Variants in ANKRD11 observed in about 807,000 individuals in gnomAD.
ANKRD11 encodes ankyrin repeat domain 11.
In ANKRD11, 17 loss-of-function variants were observed where a neutral mutation model predicts 195.7. That is an observed-to-expected ratio of 0.09 (90% CI 0.06 to 0.13). The LOEUF (loss-of-function observed/expected upper bound fraction) is 0.13. Ranked by LOEUF, ANKRD11 falls within the 10% of genes least tolerant of loss-of-function variation. ANKRD11 has a pLI of 1.00. For synonymous variants in ANKRD11, 1,953 were observed against 1,528.1 expected (o/e 1.28, Z -6.49); for missense variants, 3,735 against 3,566.1 (o/e 1.05, Z -1.21).
intron 4 of ANKRD11, among the ~76,000 whole-genome samples, chr16:89,304,087 TGG>T (rs2036012143): frequency 6.6e-6 from 1 of 152,186 alleles, no homozygotes; most frequent in African/African-American, 2.4e-5. Flanking sequence ...GTAGAGAAGC[TGG>T]ATGACCAGGA....
At chr16:89,372,262 C>T (rs979903923) in intron 2 of ANKRD11, among the ~76,000 whole-genome samples, 4 of 152,236 alleles carry the variant, frequency 2.6e-5, no homozygotes, top group Admixed American at 1.3e-4. Context: ...GCAGCCCGAG[C>T]CTCTCACTGA....
chr16:89,287,201 TCTAAGGCCAGCAGCGCAGGTGCGGC>T, intron 7 of ANKRD11: 1 of 920,122 alleles, frequency 1.1e-6, no homozygotes, highest in Middle Eastern at 3.2e-4. Context: ...TCGGCCCTCC[TCTAAGGCCAGCAGCGCAGGTGCGGC>T]CCTCCTCGGG....
chr16:89,450,107 CT>C (rs1461097949), intron 1 of ANKRD11, among the ~76,000 whole-genome samples: 1 of 152,234 alleles, frequency 6.6e-6, no homozygotes, highest in African/African-American at 2.4e-5. Flanking sequence ...GTGTCACACT[CT>C]GCTCCAGCTG....
chr16:89,402,639 G>T (rs374312334), intron 2 of ANKRD11, among the ~76,000 whole-genome samples: 1 of 150,936 alleles, frequency 6.6e-6, no homozygotes, highest in South Asian at 2.1e-4. Context: ...CTGTGGGTGG[G>T]GGGGGCAGCA....
rs781699666 is a variant in ANKRD11, at chr16:89,282,122, C to T, written c.4420G>A (p.Glu1474Lys). 6.2e-7 allele frequency: 1 copy of T among 1,613,994 alleles called. No homozygotes were observed. Among genetic ancestry groups the T allele is most frequent in the African/African-American group, 1.3e-5 (1 of 74,914 alleles). The change falls in exon 9 of 13, where the codon GAG becomes AAG. Residue 1474 changes from glutamate (E) to lysine (K), a missense_variant. Transcript: ENST00000301030. ...TCCGCATGCCTGTCCCGGTGCCTCT[C>T]CTTCTCGTCTCTCCATTTCTCCCTG... The part of the protein sequence containing the change: ...KHREKWRDEK[E>K]RHRDRHADGL...
At chr16:89,487,184 G>A (rs963088827) in intron 1 of ANKRD11, among the ~76,000 whole-genome samples, 1 of 152,136 alleles carries the variant, frequency 6.6e-6, no homozygotes, top group Non-Finnish European at 1.5e-5. Context: ...ACAAACTGAC[G>A]CAGCCACCAG....
At chr16:89,372,645 A>G (rs117015331) in intron 2 of ANKRD11, among the ~76,000 whole-genome samples, 1,813 of 152,270 alleles carry the variant, frequency 0.012, 12 homozygotes, top group Non-Finnish European at 0.019. Context: ...GAAAGAAAAA[A>G]ATTTTTTTGA....
chr16:89,269,451 T>C (rs986647477), intron 12 of ANKRD11, among the ~76,000 whole-genome samples: 8 of 152,180 alleles, frequency 5.3e-5, no homozygotes. Context: ...TCCTCCTCAA[T>C]GGGCCTCATA....
At chr16:89,349,429 G>A (rs1597739053) in intron 2 of ANKRD11, among the ~76,000 whole-genome samples, 1 of 151,212 alleles carries the variant, frequency 6.6e-6, no homozygotes, top group Non-Finnish European at 1.5e-5. Flanking sequence ...ACAGTGAGCT[G>A]AGATCGCGCC....
chr16:89,393,522 A>G (rs1366899707), intron 2 of ANKRD11, among the ~76,000 whole-genome samples: 7 of 147,338 alleles, frequency 4.8e-5, no homozygotes, highest in African/African-American at 1.8e-4. Context: ...TTTTTAATAA[A>G]TAGAGACGGG....
intron 2 of ANKRD11, among the ~76,000 whole-genome samples, chr16:89,417,726 C>G (rs2911257): frequency 0.57 from 86,998 of 151,756 alleles, 25,107 homozygotes; most frequent in Middle Eastern, 0.72. Flanking sequence ...AACAAGAGCA[C>G]AACAGCTCCC....
intron 2 of ANKRD11, among the ~76,000 whole-genome samples, chr16:89,383,570 C>T (rs1001536951): frequency 2.0e-5 from 3 of 152,248 alleles, no homozygotes; most frequent in South Asian, 2.1e-4. Flanking sequence ...GAACAAAGCA[C>T]GGCCAGGAAT....
intron 1 of ANKRD11, among the ~76,000 whole-genome samples, chr16:89,470,214 G>A (rs1165915729): frequency 6.6e-6 from 1 of 151,956 alleles, no homozygotes; most frequent in African/African-American, 2.4e-5. Flanking sequence ...AATGTCACCG[G>A]CCTATAATCC....
chr16:89,316,201 A>G (rs577027395), intron 3 of ANKRD11, among the ~76,000 whole-genome samples: 21 of 137,552 alleles, frequency 1.5e-4, no homozygotes, highest in African/African-American at 4.5e-4. Flanking sequence ...TGCCTGCTGC[A>G]GAGACAGGAA....
intron 2 of ANKRD11, among the ~76,000 whole-genome samples, chr16:89,328,270 T>G (rs1196205703): frequency 6.6e-6 from 1 of 152,212 alleles, no homozygotes; most frequent in Non-Finnish European, 1.5e-5. Context: ...GTGTTGCTGC[T>G]CTGGAGAACA....
intron 2 of ANKRD11, among the ~76,000 whole-genome samples, chr16:89,328,599 C>A (rs1220221500): frequency 6.7e-6 from 1 of 150,092 alleles, no homozygotes; most frequent in East Asian, 2.0e-4. Context: ...ACGGGTGAAT[C>A]TGCAGAGGCC....
At position 89,337,429 on chromosome 16, in the gene ANKRD11, CTTTTTTTTTTT is replaced by C. The variant is rs1165680827; in HGVS notation, c.-59-20362_-59-20352del. ...ATACATGAACATGGTCTAAGCAATT[CTTTTTTTTTTT>C]TTTTTTTTTTTTTTTTGAGACAGTC... On this transcript the variant is annotated intron_variant, in intron 2 of 12. Transcript: ENST00000301030. Among the ~76,000 whole-genome samples the C allele has an allele frequency of 3.6e-4, 19 of 53,134 alleles. 1 individual carries two copies. The highest frequency in any genetic ancestry group is 1.7e-3 in the Admixed American group (7 of 4,002). The allele number at this position is 53,134 out of a possible 152,430, so 34.9% of individuals were successfully genotyped here. A position where few individuals can be genotyped will look rare whatever the true frequency, so the allele number is the denominator to read the frequency against.
In ANKRD11 at chr16:89,281,693, C is replaced by T; in HGVS notation, c.4849G>A (p.Asp1617Asn). ...TTCGCCTTCTCCTTGAGCTTGGGGT[C>T]TCCGGACCGGTGCCTCAGCTTCTCC... ...QMEKLRHRSGDPKLKEKAKPA... is the reference protein window; with the variant it reads ...QMEKLRHRSGNPKLKEKAKPA... Residue 1617 changes from aspartate to asparagine, a missense_variant, in exon 9 of 13, where the codon GAC becomes AAC. Transcript: ENST00000301030. The surrounding 1 kb of genome is among the most constrained non-coding windows in gnomAD (Gnocchi z 5.5). 1 of 1,614,194 alleles carries T rather than the reference C, an allele frequency of 6.2e-7. No individual in the cohort carries two copies. Among genetic ancestry groups the T allele is most frequent in the Non-Finnish European group, 8.5e-7 (1 of 1,180,046 alleles).
At position 89,334,619 on chromosome 16, in the gene ANKRD11, G is replaced by C. The variant is rs542448499; in HGVS notation, c.-59-17541C>G. On this transcript the variant is annotated intron_variant, in intron 2 of 12. Transcript: ENST00000301030. ...TAGGCCAGACCCTGACCCAGAGCAAGCAGAGCCCAGCGCAGTCTCAGCCAC... is the reference window on the plus strand; with the variant it reads ...TAGGCCAGACCCTGACCCAGAGCAACCAGAGCCCAGCGCAGTCTCAGCCAC... Among the ~76,000 whole-genome samples the C allele has an allele frequency of 2.0e-5, 3 of 152,228 alleles. No homozygotes were observed. In the East Asian group the frequency reaches 5.8e-4, roughly 29 times the overall value.
Sources: gnomAD v4.1 joint callset for allele counts (sites outside exome capture counted in the v4.1 genomes callset) on GRCh38, gnomAD v4.1.1 for gene constraint, Gnocchi (gnomAD v3.1) non-coding constraint, MANE v1.5 for transcripts, NCBI Gene and HGNC (gene_info 2026-07-23, HGNC 2026-07-21) for gene names.